Variants in ARHGAP5 observed in about 807,000 individuals in gnomAD.
ARHGAP5 encodes the protein Rho GTPase activating protein 5, also known as rho GTPase-activating protein 5.
ARHGAP5 carries 23 observed loss-of-function variants against 116.6 expected under a neutral mutation model. The ratio of observed to expected loss-of-function variants is 0.20; its 90% confidence interval spans 0.14 to 0.28. ARHGAP5 has a LOEUF of 0.28. ARHGAP5 is among the 10% of genes least tolerant of loss of function. ARHGAP5 has a pLI of 1.00. For synonymous variants in ARHGAP5, 574 were observed against 602.0 expected (o/e 0.95, Z 0.68); for missense variants, 1,405 against 1,774.8 (o/e 0.79, Z 3.74).
chr14:32,111,929 G>A (rs1416622611), intron 2 of ARHGAP5, among the ~76,000 whole-genome samples: 2 of 146,846 alleles, frequency 1.4e-5, no homozygotes, highest in Non-Finnish European at 1.5e-5. Flanking sequence ...GTAACCTCCC[G>A]GGTTCAAGTG....
At chr14:32,135,210 A>G (rs1002755137) in intron 3 of ARHGAP5, among the ~76,000 whole-genome samples, 1 of 152,188 alleles carries the variant, frequency 6.6e-6, no homozygotes, top group Non-Finnish European at 1.5e-5. Flanking sequence ...ATTGCCCAGG[A>G]ATTGAGGCTT....
At chr14:32,083,307 T>C (rs1442690501) in intron 1 of ARHGAP5, among the ~76,000 whole-genome samples, 1 of 152,272 alleles carries the variant, frequency 6.6e-6, no homozygotes, top group East Asian at 1.9e-4. Context: ...TTACATGAAA[T>C]TCAAATTTTC....
At position 32,091,968 on chromosome 14, in the gene ARHGAP5, A is replaced by G. The variant is rs769395465; in HGVS notation, c.1299A>G (p.Lys433=). 3.7e-6 allele frequency: 6 copies of G among 1,613,722 alleles called. No individual in the cohort carries two copies. Among genetic ancestry groups the G allele is most frequent in the Middle Eastern group, 1.6e-4 (1 of 6,062 alleles). The change falls in exon 2 of 7, where the codon AAA becomes AAG. Residue 433 remains lysine (K), a synonymous_variant. Coordinates refer to ENST00000345122, the MANE Select transcript of ARHGAP5 (RefSeq NM_001030055.2). Reference sequence around the variant, plus strand: ...AGAGGAGGGTGGAAATGAAGGAAAAATTCAAAAAGACTTTGGAAAAAATTC... The same window carrying G: ...AGAGGAGGGTGGAAATGAAGGAAAAGTTCAAAAAGACTTTGGAAAAAATTC... ...SEKRRVEMKE[K]FKKTLEKIQF... is the part of the protein sequence containing the mutation.
intron 3 of ARHGAP5, among the ~76,000 whole-genome samples, chr14:32,144,594 C>T (rs962497000): frequency 1.3e-5 from 2 of 151,998 alleles, no homozygotes; most frequent in Admixed American, 1.3e-4. Context: ...AGTGATTCTC[C>T]TGCCTTAGCC....
At chr14:32,146,859 A>G (rs927895494) in intron 4 of ARHGAP5, among the ~76,000 whole-genome samples, 1 of 152,212 alleles carries the variant, frequency 6.6e-6, no homozygotes, top group African/African-American at 2.4e-5. Flanking sequence ...TTGAAATAAC[A>G]AGAAACTATC....
At chr14:32,108,271 A>G (rs1008356843) in intron 2 of ARHGAP5, among the ~76,000 whole-genome samples, 10 of 152,252 alleles carry the variant, frequency 6.6e-5, no homozygotes, top group African/African-American at 2.2e-4. Flanking sequence ...CTAGAAGGCA[A>G]TGTGGGATCA....
intron 3 of ARHGAP5, among the ~76,000 whole-genome samples, chr14:32,133,580 C>A (rs996001388): frequency 1.3e-5 from 2 of 152,128 alleles, no homozygotes; most frequent in African/African-American, 4.8e-5. Flanking sequence ...TTATTTCCTT[C>A]TCCTGCCTGA....
In ARHGAP5 at chr14:32,117,169, A is replaced by G; in HGVS notation, c.3747A>G (p.Pro1249=). 6.2e-7 allele frequency: 1 copy of G among 1,609,730 alleles called. No homozygotes were observed. The highest frequency in any genetic ancestry group is 1.1e-5 in the South Asian group (1 of 89,632). ...KQKKKTKNFN[P]PTRRNWESNY... ...AAAAGAAAACTAAGAACTTCAATCC[A>G]CCAACACGTAGAAATTGGGAAAGTA... is the stretch of plus-strand genomic sequence containing the variant. The change falls in exon 3 of 7, where the codon CCA becomes CCG. Residue 1249 remains proline (P), a synonymous_variant. Coordinates refer to ENST00000345122, the MANE Select transcript of ARHGAP5 (RefSeq NM_001030055.2).
At position 32,094,230 on chromosome 14, in the gene ARHGAP5, A is replaced by C. The variant is rs1878411940; in HGVS notation, c.3561A>C (p.Lys1187Asn). The C allele has an allele frequency of 6.2e-7, 1 of 1,613,240 alleles. No individual in the cohort carries two copies. The highest frequency in any genetic ancestry group is 2.2e-5 in the East Asian group (1 of 44,858). Residue 1187 changes from lysine (K) to asparagine (N), a missense_variant, in exon 2 of 7, where the codon AAA becomes AAC. Transcript: ENST00000345122. ...AGGCTTTCACCACTTCTAAAACAAA[A>C]AGAAAAGGAAGACATCGTGGAAGTG... ...DDEAFTTSKT[K>N]RKGRHRGSEE...
At chr14:32,146,225 G>T (rs772034048) in intron 3 of ARHGAP5, 38 bp from the exon 4 acceptor site, 1 of 1,436,462 alleles carries the variant, frequency 7.0e-7, no homozygotes. Flanking sequence ...GGATATATAT[G>T]TGTTTATTAA....
At chr14:32,094,819 G>A (rs368917226) in intron 2 of ARHGAP5, among the ~76,000 whole-genome samples, 2 of 152,050 alleles carry the variant, frequency 1.3e-5, no homozygotes, top group African/African-American at 4.8e-5. Context: ...ACTTTTCCAG[G>A]AAGCTTCTTT....
chr14:32,142,625 C>G (rs915836954), intron 3 of ARHGAP5, among the ~76,000 whole-genome samples: 7 of 152,180 alleles, frequency 4.6e-5, no homozygotes, highest in African/African-American at 1.4e-4. Context: ...AGCCAAAAGA[C>G]AGGTTGAAAT....
At chr14:32,152,282 C>T (rs1881671613) in intron 5 of ARHGAP5, 141 bp from the exon 6 acceptor site, 3 of 659,468 alleles carry the variant, frequency 4.5e-6, no homozygotes, top group African/African-American at 1.9e-5. Flanking sequence ...TGCTTTAGAA[C>T]ATTTTCTTTG....
At position 32,137,308 on chromosome 14, in the gene ARHGAP5, C is replaced by T. The variant is rs111417972; in HGVS notation, c.3866-8955C>T. On this transcript the variant is annotated intron_variant, in intron 3 of 6. Transcript: ENST00000345122. ...ATGTGGATATTCGCCTGTCTCTGCA[C>T]TATTTATTGCGAAGAGTATCCTTTT... 9.3e-5 allele frequency among the ~76,000 whole-genome samples: 14 copies of T among 150,540 alleles called. No homozygotes were observed. In the South Asian group the frequency reaches 2.8e-3, roughly 30 times the overall value.
At position 32,093,764 on chromosome 14, in the gene ARHGAP5, G is replaced by A. The variant is rs376418547; in HGVS notation, c.3095G>A (p.Arg1032His). The A allele has an allele frequency of 1.9e-5, 31 of 1,613,886 alleles. No homozygotes were observed. The highest frequency in any genetic ancestry group is 3.3e-5 in the Admixed American group (2 of 59,990). Residue 1032 changes from arginine to histidine, a missense_variant, in exon 2 of 7, where the codon CGC (arginine) becomes CAC (histidine). Transcript: ENST00000345122. ...HSTPNCHDHE[R>H]NHKVPPPIKP... is the part of the protein sequence containing the mutation. The stretch of plus-strand genomic sequence containing the variant: ...ACCCCAAACTGTCATGACCATGAAC[G>A]CAACCATAAAGTGCCTCCACCTATT...
intron 3 of ARHGAP5, among the ~76,000 whole-genome samples, chr14:32,131,968 T>A (rs1880522587): frequency 6.6e-6 from 1 of 152,262 alleles, no homozygotes; most frequent in South Asian, 2.1e-4. Flanking sequence ...CCACATTTTC[T>A]TAATCCAGTC....
chr14:32,126,467 A>G (rs114174914), intron 3 of ARHGAP5, among the ~76,000 whole-genome samples: 4,337 of 152,226 alleles, frequency 0.028, 193 homozygotes, highest in African/African-American at 0.097. Context: ...TTCTTTTCAT[A>G]AGGACATCAG....
At chr14:32,081,265 G>T (rs576070784) in intron 1 of ARHGAP5, among the ~76,000 whole-genome samples, 48 of 152,256 alleles carry the variant, frequency 3.2e-4, no homozygotes, top group African/African-American at 1.1e-3. Context: ...TTAAAAGTTA[G>T]TAGAAAGTTA....
chr14:32,133,058 T>C (rs1388824190), intron 3 of ARHGAP5, among the ~76,000 whole-genome samples: 1 of 152,234 alleles, frequency 6.6e-6, no homozygotes, highest in East Asian at 1.9e-4. Context: ...AGGATTGACT[T>C]GGCGATGCAG....
Sources: allele counts gnomAD v4.1 joint callset (sites outside exome capture counted in the v4.1 genomes callset), GRCh38; gene constraint gnomAD v4.1.1; transcripts MANE v1.5; gene names NCBI Gene and HGNC (gene_info 2026-07-23, HGNC 2026-07-21).